The following GABRA2 variants were observed in gnomAD, a reference collection of about 807,000 sequenced individuals.
GABRA2 encodes gamma-aminobutyric acid type A receptor subunit alpha2.
In GABRA2, 16 loss-of-function variants were observed where a neutral mutation model predicts 48.7. The ratio of observed to expected loss-of-function variants is 0.33; its 90% CI spans 0.22 to 0.50. The LOEUF is 0.50. GABRA2 is among the 20% of genes least tolerant of loss of function. GABRA2 has a pLI of 0.98. For synonymous variants in GABRA2, 185 were observed against 184.5 expected (o/e 1.00, Z -0.02); for missense variants, 275 against 535.6 (o/e 0.51, Z 4.80).
intron 3 of GABRA2, among the ~76,000 whole-genome samples, chr4:46,371,456 C>T (rs1714876387): frequency 6.6e-6 from 1 of 152,092 alleles, no homozygotes; most frequent in African/African-American, 2.4e-5. Flanking sequence ...TTGTTCACAA[C>T]CTTCATTACA....
chr4:46,294,746 CTT>C (rs201404966), intron 8 of GABRA2, among the ~76,000 whole-genome samples: 2 of 151,528 alleles, frequency 1.3e-5, no homozygotes, highest in Non-Finnish European at 2.9e-5. Context: ...GATAACTACT[CTT>C]TTTTTTTGAG....
chr4:46,265,458 A>AAT (rs1208615134), intron 8 of GABRA2, among the ~76,000 whole-genome samples: 4 of 131,514 alleles, frequency 3.0e-5, no homozygotes, highest in African/African-American at 6.1e-5. Context: ...GTATATATAT[A>AAT]ATATATATAT....
intron 9 of GABRA2, among the ~76,000 whole-genome samples, chr4:46,260,242 CACAA>C (rs1183718615): frequency 6.6e-6 from 1 of 151,766 alleles, no homozygotes; most frequent in Non-Finnish European, 1.5e-5. Flanking sequence ...TGAAGTAAAC[CACAA>C]GAACTAAAAT....
At chr4:46,340,177 C>T (rs774065254) in intron 3 of GABRA2, among the ~76,000 whole-genome samples, 1 of 151,998 alleles carries the variant, frequency 6.6e-6, no homozygotes, top group East Asian at 1.9e-4. Context: ...TGCTTGCACT[C>T]ATTCACCCCT....
intron 8 of GABRA2, among the ~76,000 whole-genome samples, chr4:46,298,647 G>T (rs1725188673): frequency 6.6e-6 from 1 of 151,940 alleles, no homozygotes. Flanking sequence ...ATAACTGTGT[G>T]TAGAAACTGT....
chr4:46,310,839 G>A (rs776511016), intron 5 of GABRA2, among the ~76,000 whole-genome samples: 6 of 152,006 alleles, frequency 3.9e-5, no homozygotes, highest in South Asian at 2.1e-4. Flanking sequence ...CACAAATTAC[G>A]AATGTTAAAT....
intron 3 of GABRA2, among the ~76,000 whole-genome samples, chr4:46,345,505 G>A (rs1396705726): frequency 1.3e-5 from 2 of 151,816 alleles, no homozygotes; most frequent in Non-Finnish European, 2.9e-5. Flanking sequence ...GTGACTAATG[G>A]GAGATGGAAG....
chr4:46,305,220 A>G (rs1047712956), intron 7 of GABRA2, among the ~76,000 whole-genome samples: 4 of 132,424 alleles, frequency 3.0e-5, no homozygotes, highest in African/African-American at 8.5e-5. Flanking sequence ...CAATGAGAAC[A>G]CATGGACACA....
intron 9 of GABRA2, among the ~76,000 whole-genome samples, chr4:46,260,103 T>C (rs770570448): frequency 3.1e-4 from 47 of 151,856 alleles, no homozygotes; most frequent in Non-Finnish European, 5.2e-4. Context: ...GGATTTAAGA[T>C]CACAAACTCA....
In GABRA2 at chr4:46,388,882, T is replaced by G. The variant is rs117581759; in HGVS notation, c.-10-166A>C. ...ACTTGATGATTGAGAGACGATTTCT[T>G]TTTTATGGACCCCCACCCCCACCCT... is the stretch of plus-strand genomic sequence containing the variant. On this transcript the variant is annotated intron_variant, in intron 1 of 9. Coordinates refer to ENST00000381620, the MANE Select transcript of GABRA2 (RefSeq NM_000807.4). The G allele has an allele frequency of 3.0e-4, 406 of 1,354,564 alleles. 4 individuals carry two copies. In the East Asian group the frequency reaches 0.012, roughly 39 times the overall value. 83.9% of individuals were successfully genotyped at this position (1,354,564 alleles called of 1,614,324 possible). A position where few individuals can be genotyped will look rare whatever the true frequency, so the allele number is the denominator to read the frequency against.
intron 9 of GABRA2, chr4:46,256,151 T>A (rs1428408636): frequency 1.9e-6 from 1 of 531,840 alleles, no homozygotes; most frequent in Admixed American, 2.9e-5. Flanking sequence ...AATGCTATTG[T>A]TAACTGTCTA....
intron 4 of GABRA2, among the ~76,000 whole-genome samples, chr4:46,317,921 C>A (rs1728816655): frequency 6.6e-6 from 1 of 151,482 alleles, no homozygotes; most frequent in Non-Finnish European, 1.5e-5. Context: ...CAGATCATTG[C>A]AAGTAACAAG....
At chr4:46,348,387 A>G (rs939932946) in intron 3 of GABRA2, among the ~76,000 whole-genome samples, 3 of 152,022 alleles carry the variant, frequency 2.0e-5, no homozygotes, top group Non-Finnish European at 4.4e-5. Flanking sequence ...GGGATCTAGA[A>G]CTAGAAATAC....
At chr4:46,359,796 A>T (rs571251124) in intron 3 of GABRA2, among the ~76,000 whole-genome samples, 2 of 152,240 alleles carry the variant, frequency 1.3e-5, no homozygotes, top group South Asian at 4.2e-4. Context: ...GGGTGCCTGT[A>T]GTCCCAGCTA....
At chr4:46,282,498 T>C (rs1201928742) in intron 8 of GABRA2, among the ~76,000 whole-genome samples, 1 of 152,312 alleles carries the variant, frequency 6.6e-6, no homozygotes, top group East Asian at 1.9e-4. Context: ...GAAACAGCCT[T>C]TACTAAAACT....
At chr4:46,262,943 AAAG>A (rs1453659259) in intron 8 of GABRA2, among the ~76,000 whole-genome samples, 1 of 80,440 alleles carries the variant, frequency 1.2e-5, no homozygotes, top group African/African-American at 5.8e-5. Context: ...AAGAAGAAAG[AAAG>A]AAAGAAAGAA....
intron 3 of GABRA2, among the ~76,000 whole-genome samples, chr4:46,358,426 G>T (rs1439069994): frequency 6.6e-6 from 1 of 152,092 alleles, no homozygotes; most frequent in Non-Finnish European, 1.5e-5. Context: ...CAATACTGAT[G>T]TTCCATATAG....
rs146404136 is a variant in GABRA2 at position 46,289,757 on chromosome 4, C to T, written c.856+13703G>A. Reference sequence around the variant, plus strand: ...TGTCCGTACATGTTTGGGTTTGTTTCTGGGCTCTCAATTCTATTCCATTGA... The same window carrying T: ...TGTCCGTACATGTTTGGGTTTGTTTTTGGGCTCTCAATTCTATTCCATTGA... On this transcript the variant is annotated intron_variant, in intron 8 of 9. Transcript: ENST00000381620. Among the ~76,000 whole-genome samples, 847 of 152,170 alleles carry T rather than the reference C, an allele frequency of 5.6e-3. 12 individuals carry two copies. The highest frequency in any genetic ancestry group is 0.019 in the African/African-American group (801 of 41,518).
At chr4:46,352,652 C>T (rs573209623) in intron 3 of GABRA2, among the ~76,000 whole-genome samples, 156 of 152,018 alleles carry the variant, frequency 1.0e-3, no homozygotes, top group Non-Finnish European at 2.1e-3. Flanking sequence ...TTAGACAGAC[C>T]CTTTGGGGCT....
Sources: allele counts gnomAD v4.1 joint callset (sites outside exome capture counted in the v4.1 genomes callset), GRCh38; gene constraint gnomAD v4.1.1; transcripts MANE v1.5; gene names NCBI Gene and HGNC (gene_info 2026-07-23, HGNC 2026-07-21).